The following PTPRT variants were observed in gnomAD, a reference collection of about 807,000 sequenced individuals.
The protein encoded by PTPRT is receptor-type tyrosine-protein phosphatase T.
Under a neutral mutation model 176.8 loss-of-function variants are expected in PTPRT, and 56 were observed. The observed-to-expected ratio is 0.32, with a 90% CI of 0.26 to 0.40. The LOEUF (loss-of-function observed/expected upper bound fraction) is 0.40, where lower values mean the gene tolerates loss of function less well. Ranked by LOEUF, PTPRT falls within the 10% of genes least tolerant of loss-of-function variation. The pLI, the probability that PTPRT is intolerant of heterozygous loss-of-function variation, is 1.00. For missense variants in PTPRT, 1,540 were observed against 1,908.2 expected, an observed-to-expected ratio of 0.81 and a Z score of 3.60; for synonymous variants, 783 against 739.0, an observed-to-expected ratio of 1.06 and a Z score of -0.96.
intron 9 of PTPRT, among the ~76,000 whole-genome samples, chr20:42,408,568 A>C (rs2058982855): frequency 6.6e-6 from 1 of 151,378 alleles, no homozygotes; most frequent in Admixed American, 6.6e-5. Context: ...TAACCTTTAG[A>C]TAGGAAACTG....
chr20:42,311,189 G>A (rs921789091), intron 12 of PTPRT, among the ~76,000 whole-genome samples: 2 of 152,132 alleles, frequency 1.3e-5, no homozygotes, highest in African/African-American at 4.8e-5. Context: ...ATCTTTGCTT[G>A]ACTCACTGCT....
At chr20:42,513,201 G>GGT (rs58268839) in intron 7 of PTPRT, among the ~76,000 whole-genome samples, 26,938 of 144,486 alleles carry the variant, frequency 0.19, 2,467 homozygotes, top group East Asian at 0.28. Flanking sequence ...CTATTGATGG[G>GGT]GTGTGTGTGT....
chr20:42,774,380 A>G (rs2077104359), intron 4 of PTPRT, among the ~76,000 whole-genome samples: 1 of 152,110 alleles, frequency 6.6e-6, no homozygotes, highest in African/African-American at 2.4e-5. Flanking sequence ...CTGGAGAGAG[A>G]CTCTGAAAGG....
chr20:42,797,229 T>A (rs1412969171), intron 2 of PTPRT, among the ~76,000 whole-genome samples: 5 of 152,178 alleles, frequency 3.3e-5, no homozygotes, highest in Non-Finnish European at 7.3e-5. Flanking sequence ...CTGACCATCT[T>A]CTTCCTTTCC....
intron 7 of PTPRT, among the ~76,000 whole-genome samples, chr20:42,632,167 G>A (rs1448225987): frequency 6.6e-6 from 1 of 152,106 alleles, no homozygotes; most frequent in Non-Finnish European, 1.5e-5. Context: ...GTTGCTGAGA[G>A]GATGAAGCAT....
intron 7 of PTPRT, among the ~76,000 whole-genome samples, chr20:42,619,233 G>C (rs1433519790): frequency 7.0e-6 from 1 of 143,816 alleles, no homozygotes; most frequent in Non-Finnish European, 1.5e-5. Flanking sequence ...ATTCTGGGTT[G>C]AAAATTCTTT....
chr20:42,717,662 T>A (rs1392728813), intron 6 of PTPRT, among the ~76,000 whole-genome samples: 3 of 152,180 alleles, frequency 2.0e-5, no homozygotes, highest in Non-Finnish European at 4.4e-5. Context: ...TAATGGGACA[T>A]CTTTAAAATC....
chr20:42,301,959 C>T (rs910940716), intron 12 of PTPRT, among the ~76,000 whole-genome samples: 8 of 152,130 alleles, frequency 5.3e-5, no homozygotes, highest in African/African-American at 1.9e-4. Context: ...TGAAACGTTT[C>T]TTAGCTAACA....
At position 42,204,753 on chromosome 20, in the gene PTPRT, CAAGGGAT is replaced by C. The variant is rs576445208; in HGVS notation, c.2343-5372_2343-5366del. Among the ~76,000 whole-genome samples the C allele has an allele frequency of 3.7e-3, 566 of 152,198 alleles. 1 individual carries two copies. The highest frequency in any genetic ancestry group is 6.8e-3 in the Non-Finnish European group (459 of 67,994). On this transcript the variant is annotated intron_variant, in intron 15 of 30. Transcript: ENST00000373187. ...GATTTGTTCTGAGTGCCACTCTTTA[CAAGGGAT>C]ACTGGCAGGTAGAATGGCTCACGGG...
intron 7 of PTPRT, among the ~76,000 whole-genome samples, chr20:42,612,382 C>A (rs1057468075): frequency 2.6e-5 from 4 of 152,164 alleles, no homozygotes; most frequent in African/African-American, 4.8e-5. Flanking sequence ...AAACACCCCC[C>A]ACCCCAACCC....
intron 1 of PTPRT, among the ~76,000 whole-genome samples, chr20:42,985,073 A>T (rs1983496267): frequency 3.3e-5 from 5 of 152,180 alleles, no homozygotes; most frequent in Admixed American, 6.5e-5. Flanking sequence ...CTACAGCAGG[A>T]GGGATCTTGA....
At chr20:42,324,057 T>G (rs77036940) in intron 11 of PTPRT, among the ~76,000 whole-genome samples, 1 of 152,282 alleles carries the variant, frequency 6.6e-6, no homozygotes, top group African/African-American at 2.4e-5. Flanking sequence ...ACACAAAAAC[T>G]TGAATTAAAC....
chr20:42,087,161 C>T (rs1034992162), intron 27 of PTPRT, among the ~76,000 whole-genome samples: 2 of 151,728 alleles, frequency 1.3e-5, no homozygotes, highest in Non-Finnish European at 2.9e-5. Flanking sequence ...TAGCTCCCCC[C>T]GAGAGTTATG....
intron 1 of PTPRT, among the ~76,000 whole-genome samples, chr20:43,110,003 A>T (rs1326033668): frequency 6.6e-6 from 1 of 152,178 alleles, no homozygotes; most frequent in Non-Finnish European, 1.5e-5. Context: ...ATTGGAGGGT[A>T]TCTTAATCCT....
chr20:42,267,252 G>T (rs576821823), intron 13 of PTPRT, among the ~76,000 whole-genome samples: 1 of 152,236 alleles, frequency 6.6e-6, no homozygotes, highest in South Asian at 2.1e-4. Flanking sequence ...CCAACTTCAG[G>T]CTAATGTAAG....
At chr20:42,519,650 T>C (rs1419062551) in intron 7 of PTPRT, among the ~76,000 whole-genome samples, 1 of 145,916 alleles carries the variant, frequency 6.9e-6, no homozygotes, top group Non-Finnish European at 1.5e-5. Context: ...TTGATGTGTG[T>C]TTGTGTGTAT....
chr20:42,797,829 C>T (rs2077474360), intron 2 of PTPRT, among the ~76,000 whole-genome samples: 1 of 152,044 alleles, frequency 6.6e-6, no homozygotes. Context: ...ATGCTGCTTA[C>T]TTTGAGATGA....
chr20:43,171,108 T>C lies in PTPRT; in HGVS notation c.88+18538A>G, dbSNP rs1172145027. ...GGATAATGTGTGACATATGTGCAGG[T>C]ATCAAGGTCTGTGGCACACAGAGGG... On this transcript the variant is annotated intron_variant, in intron 1 of 30. Transcript: ENST00000373187. Among the ~76,000 whole-genome samples the C allele has an allele frequency of 2.0e-5, 3 of 152,234 alleles. No individual in the cohort carries two copies. In the East Asian group the frequency reaches 5.8e-4, roughly 29 times the overall value.
At chr20:42,912,868 A>G (rs1355009739) in intron 1 of PTPRT, among the ~76,000 whole-genome samples, 4 of 152,224 alleles carry the variant, frequency 2.6e-5, no homozygotes, top group Non-Finnish European at 5.9e-5. Context: ...CCACTGATCT[A>G]TGTGCCTAAA....
Sources: gnomAD v4.1 joint callset for allele counts (sites outside exome capture counted in the v4.1 genomes callset) on GRCh38, gnomAD v4.1.1 for gene constraint, MANE v1.5 for transcripts, NCBI Gene and HGNC (gene_info 2026-07-23, HGNC 2026-07-21) for gene names.